The following BRAF variants were observed in gnomAD, a reference collection of about 807,000 sequenced individuals.
BRAF encodes the protein B-Raf proto-oncogene, serine/threonine kinase.
In BRAF, 16 loss-of-function variants were observed where a neutral mutation model predicts 104.6. The observed-to-expected ratio is 0.15, with a 90% confidence interval of 0.10 to 0.23. The LOEUF (loss-of-function observed/expected upper bound fraction) is 0.23. BRAF is among the 10% of genes least tolerant of loss of function. The pLI, the probability that BRAF is intolerant of heterozygous loss-of-function variation, is 1.00. For missense variants in BRAF, 541 were observed against 937.3 expected, an observed-to-expected ratio of 0.58 and a Z score of 5.52; for synonymous variants, 310 against 341.6, an observed-to-expected ratio of 0.91 and a Z score of 1.02.
chr7:140,812,255 T>A (rs932761319), intron 3 of BRAF, among the ~76,000 whole-genome samples: 1 of 151,762 alleles, frequency 6.6e-6, no homozygotes, highest in Admixed American at 6.6e-5. Flanking sequence ...TCAAATGTGC[T>A]CTCTGAAACA....
At chr7:140,726,536 G>C in intron 19 of BRAF, 1 of 1,527,974 alleles carries the variant, frequency 6.5e-7, no homozygotes, top group Non-Finnish European at 8.8e-7. Context: ...GAGGACAAGA[G>C]CTAATTTTAA....
chr7:140,830,715 A>G (rs368631542), intron 3 of BRAF, among the ~76,000 whole-genome samples: 2 of 152,316 alleles, frequency 1.3e-5, no homozygotes, highest in South Asian at 4.1e-4. Flanking sequence ...TGAAGCTTCC[A>G]TAAAAATCAC....
intron 16 of BRAF, among the ~76,000 whole-genome samples, chr7:140,753,029 A>G (rs1797910394): frequency 6.6e-6 from 1 of 152,184 alleles, no homozygotes; most frequent in African/African-American, 2.4e-5. Context: ...AGAATAAAAT[A>G]TGAAACACTG....
At chr7:140,905,319 A>G (rs563877764) in intron 1 of BRAF, among the ~76,000 whole-genome samples, 32 of 152,112 alleles carry the variant, frequency 2.1e-4, no homozygotes, top group Admixed American at 2.0e-4. Flanking sequence ...TTCTAAAGCT[A>G]TATTTCAGGT....
intron 10 of BRAF, among the ~76,000 whole-genome samples, chr7:140,784,648 T>C (rs369266212): frequency 1.3e-5 from 2 of 152,090 alleles, no homozygotes; most frequent in South Asian, 4.2e-4. Flanking sequence ...TCCCAATTTT[T>C]ACTTTTTTTT....
At chr7:140,850,506 G>T (rs532414180) in intron 1 of BRAF, among the ~76,000 whole-genome samples, 1 of 152,122 alleles carries the variant, frequency 6.6e-6, no homozygotes, top group South Asian at 2.1e-4. Context: ...CTTTCAAAAA[G>T]GTTAAGTTCT....
At chr7:140,769,738 T>A (rs1799662544) in intron 14 of BRAF, among the ~76,000 whole-genome samples, 1 of 152,156 alleles carries the variant, frequency 6.6e-6, no homozygotes, top group Non-Finnish European at 1.5e-5. Flanking sequence ...AAAATGTCCT[T>A]AATGTTTTAA....
At position 140,725,549 on chromosome 7, in the gene BRAF, C is replaced by T. The variant is rs553925694; in HGVS notation, c.*945G>A. ...TTATCTAAATTTCTCACATTCAAAA[C>T]TGTTATTAAGCAGTTTTGTGGGGGT... On this transcript the variant is annotated 3_prime_UTR_variant, in exon 20 of 20. Transcript: ENST00000644969. The T allele has an allele frequency of 9.6e-7, 1 of 1,036,998 alleles. No homozygotes were observed. The highest frequency in any genetic ancestry group is 5.5e-5 in the East Asian group (1 of 18,304). 64.2% of individuals were successfully genotyped at this position (1,036,998 alleles called of 1,614,324 possible).
rs142447432 is a variant in BRAF at position 140,919,870 on chromosome 7, G to T, written c.138+4696C>A. ...GTTTGTTTGTTTGTTTTGAGGCAGG[G>T]TCTCACTCTGTTGCCAGGCTAGAGT... On this transcript the variant is annotated intron_variant, in intron 1 of 19. Transcript: ENST00000644969. Among the ~76,000 whole-genome samples, 547 of 151,776 alleles carry T rather than the reference G, an allele frequency of 3.6e-3. 6 individuals are homozygous for T. Among genetic ancestry groups the T allele is most frequent in the African/African-American group, 0.012 (516 of 41,356 alleles).
chr7:140,875,003 G>A (rs1812057767), intron 1 of BRAF, among the ~76,000 whole-genome samples: 1 of 152,100 alleles, frequency 6.6e-6, no homozygotes, highest in South Asian at 2.1e-4. Context: ...ATGATTTTAA[G>A]TTTCCTGAGG....
At chr7:140,842,998 T>C (rs1438853935) in intron 2 of BRAF, among the ~76,000 whole-genome samples, 3 of 152,346 alleles carry the variant, frequency 2.0e-5, no homozygotes, top group Non-Finnish European at 2.9e-5. Context: ...TATCTTCCTA[T>C]AGAAACTTAA....
chr7:140,794,408 C>G lies in BRAF; in HGVS notation c.1040G>C (p.Arg347Pro), dbSNP rs397516884. ...ATTTCGATGATCTTCATCTGCTGGT[C>G]GGAAGGGCTGTGGAATTGGAATGGA... ...SKSIPIPQPF[R>P]PADEDHRNQF... Residue 347 changes from arginine (R) to proline (P), a missense_variant, in exon 8 of 20, where the codon CGA (arginine) becomes CCA (proline). Arg to Pro is a moderately radical substitution (Grantham distance 103). This residue lies in a region of BRAF where 79 missense variants were observed against 74.6 expected (regional missense o/e 1.06). Transcript: ENST00000644969. 1.2e-6 allele frequency: 2 copies of G among 1,613,366 alleles called. No individual in the cohort carries two copies. Among genetic ancestry groups the G allele is most frequent in the Non-Finnish European group, 1.7e-6 (2 of 1,179,958 alleles).
In BRAF at chr7:140,721,683, C is replaced by T. The variant is rs1795332554; in HGVS notation, c.*4811G>A. ...CTACCGATGGGCATCAGTAATCCATCCCAGTATAACATTTCAAGGATGTGC... is the reference window on the plus strand; with the variant it reads ...CTACCGATGGGCATCAGTAATCCATTCCAGTATAACATTTCAAGGATGTGC... On this transcript the variant is annotated 3_prime_UTR_variant, in exon 20 of 20. Transcript: ENST00000644969. The T allele has an allele frequency of 3.9e-6, 6 of 1,534,146 alleles. No individual in the cohort carries two copies. Among genetic ancestry groups the T allele is most frequent in the Non-Finnish European group, 4.4e-6 (5 of 1,146,062 alleles).
intron 19 of BRAF, chr7:140,730,710 T>G (rs532359819): frequency 5.8e-4 from 84 of 144,854 alleles, no homozygotes; most frequent in African/African-American, 2.1e-3. Flanking sequence ...AGAGAACAAC[T>G]GGGAAGACTG....
chr7:140,861,191 C>T (rs1328376571), intron 1 of BRAF, among the ~76,000 whole-genome samples: 3 of 152,072 alleles, frequency 2.0e-5, no homozygotes, highest in South Asian at 2.1e-4. Context: ...AAAATAAAGG[C>T]GCCTTCTGAG....
At chr7:140,714,822 C>G (rs1795101646), downstream of BRAF, among the ~76,000 whole-genome samples, 1 of 152,106 alleles carries the variant, frequency 6.6e-6, no homozygotes, top group Non-Finnish European at 1.5e-5. Flanking sequence ...GGGTGAGGTG[C>G]TAGAGATGGG....
intron 17 of BRAF, among the ~76,000 whole-genome samples, chr7:140,744,602 ATCT>A (rs1005665222): frequency 4.6e-5 from 7 of 152,218 alleles, no homozygotes; most frequent in African/African-American, 1.7e-4. Flanking sequence ...TGCCTTTGTC[ATCT>A]TCTTATAATT....
intron 1 of BRAF, among the ~76,000 whole-genome samples, chr7:140,864,530 C>T (rs1810734273): frequency 6.6e-6 from 1 of 152,004 alleles, no homozygotes; most frequent in African/African-American, 2.4e-5. Context: ...GGAGGCAGAC[C>T]TACAAGAGAG....
chr7:140,737,238 T>A (rs1480463257), intron 18 of BRAF, among the ~76,000 whole-genome samples: 5 of 152,220 alleles, frequency 3.3e-5, no homozygotes, highest in Non-Finnish European at 5.9e-5. Flanking sequence ...TTAGAAGTAT[T>A]TTGAATTTAT....
Sources: allele counts gnomAD v4.1 joint callset (sites outside exome capture counted in the v4.1 genomes callset), GRCh38; gene constraint gnomAD v4.1.1; regional missense constraint gnomAD v4.1.1; transcripts MANE v1.5; gene names NCBI Gene and HGNC (gene_info 2026-07-23, HGNC 2026-07-21).